The following CAT variants were observed in gnomAD, a reference collection of about 807,000 sequenced individuals.
The protein encoded by CAT is catalase.
In CAT, 43 loss-of-function variants were observed where a neutral mutation model predicts 59.0. That is an observed-to-expected ratio of 0.73 (90% CI 0.57 to 0.94). The LOEUF is 0.94. Ranked by LOEUF, CAT falls within the 40% of genes least tolerant of loss-of-function variation. CAT has a pLI of 0.00. For synonymous variants in CAT, 218 were observed against 230.9 expected, an observed-to-expected ratio of 0.94 and a Z score of 0.51; for missense variants, 664 against 682.9, an observed-to-expected ratio of 0.97 and a Z score of 0.31.
At chr11:34,443,825 T>C (rs1230221934) in intron 1 of CAT, among the ~76,000 whole-genome samples, 2 of 152,164 alleles carry the variant, frequency 1.3e-5, no homozygotes, top group African/African-American at 4.8e-5. Context: ...AATAACTGCA[T>C]TGATGTTACA....
At chr11:34,464,265 G>A in intron 10 of CAT, 30 bp downstream of exon 10, 2 of 1,609,476 alleles carry the variant, frequency 1.2e-6, no homozygotes, top group Middle Eastern at 1.7e-4. Flanking sequence ...TGCTATGGAA[G>A]TCACCTGCTA....
chr11:34,464,063 T>A, intron 9 of CAT, 42 bp from the exon 10 acceptor site: 1 of 1,612,494 alleles, frequency 6.2e-7, no homozygotes, highest in South Asian at 1.1e-5. Flanking sequence ...CTTACTTGAC[T>A]TTTCTTATTC....
chr11:34,464,079 T>C, intron 9 of CAT, 26 bp from the exon 10 acceptor site: 1 of 1,613,972 alleles, frequency 6.2e-7, no homozygotes, highest in Non-Finnish European at 8.5e-7. Context: ...TATTCCTAAG[T>C]GCATCTGGGT....
At chr11:34,449,047 C>CCTGT (rs1856490294) in intron 1 of CAT, 145 bp from the exon 2 acceptor site, 1 of 715,420 alleles carries the variant, frequency 1.4e-6, no homozygotes, top group Non-Finnish European at 2.4e-6. Flanking sequence ...AATGGCCCAT[C>CCTGT]CTGTCAGATT....
Position 34,456,726 on chromosome 11 carries a change from C to T in CAT, c.965C>T (p.Pro322Leu), listed in dbSNP as rs1455711520. 1 of 1,614,078 alleles carries T rather than the reference C, an allele frequency of 6.2e-7. No homozygotes were observed. Among genetic ancestry groups the T allele is most frequent in the Non-Finnish European group, 8.5e-7 (1 of 1,179,946 alleles). The change falls in exon 8 of 13, where the codon CCA (proline) becomes CTA (leucine). Residue 322 changes from proline to leucine, a missense_variant. Pro to Leu is a moderately conservative substitution (Grantham distance 98). Coordinates refer to ENST00000241052, the MANE Select transcript of CAT (RefSeq NM_001752.4). Reference protein sequence around the residue: ...PVGKLVLNRNPVNYFAEVEQI... With the variant: ...PVGKLVLNRNLVNYFAEVEQI... The stretch of plus-strand genomic sequence containing the variant: ...GGTAAACTGGTCTTAAACCGGAATC[C>T]AGTTAATTACTTTGCTGAGGTTGAA...
At position 34,471,747 on chromosome 11, in the gene CAT, T is replaced by C. The variant is rs1370215434; in HGVS notation, c.*314T>C. On this transcript the variant is annotated 3_prime_UTR_variant, in exon 13 of 13. Transcript: ENST00000241052. ...TATTTGACAAAATTTGTTGAAATTA[T>C]GTATGTTTACATATCACCTCATGGC... 5 of 387,746 alleles carry C rather than the reference T, an allele frequency of 1.3e-5. No homozygotes were observed. The East Asian group carries it at 2.3e-4, about 18-fold the overall frequency. The allele number at this position is 387,746 out of a possible 1,614,324, so 24.0% of individuals were successfully genotyped here.
At position 34,449,295 on chromosome 11, in the gene CAT, T is replaced by C. The variant is rs761236721; in HGVS notation, c.170T>C (p.Phe57Ser). ...CCCCTTCTTGTTCAGGATGTGGTTT[T>C]CACTGATGAAATGGCTCATTTTGAC... ...RGPLLVQDVVFTDEMAHFDRE... is the reference protein window; with the variant it reads ...RGPLLVQDVVSTDEMAHFDRE... The change falls in exon 2 of 13, where the codon TTC (phenylalanine) becomes TCC (serine). Residue 57 changes from phenylalanine to serine, a missense_variant. Physicochemically the swap from Phe to Ser is radical, Grantham distance 155. Transcript: ENST00000241052. 2 of 1,614,186 alleles carry C rather than the reference T, an allele frequency of 1.2e-6. 1 individual carries two copies. Among genetic ancestry groups the C allele is most frequent in the South Asian group, 2.2e-5 (2 of 91,092 alleles).
At chr11:34,452,016 C>T in intron 3 of CAT, 61 bp from the exon 4 acceptor site, 1 of 1,593,694 alleles carries the variant, frequency 6.3e-7, no homozygotes, top group African/African-American at 1.3e-5. Context: ...TTTATGTCTC[C>T]AGGCTTCTTG....
rs1453853451 is a variant in CAT, at chr11:34,451,007, G to T, written c.258G>T (p.Glu86Asp). The change falls in exon 3 of 13, where the codon GAG (glutamate) becomes GAT (aspartate). Residue 86 changes from glutamate to aspartate, a missense_variant. Glu to Asp is a conservative substitution (Grantham distance 45). Coordinates refer to ENST00000241052, the MANE Select transcript of CAT (RefSeq NM_001752.4). ...AKGAGAFGYF[E>D]VTHDITKYSK... ...CGTTAGGGGCCTTTGGCTACTTTGA[G>T]GTCACACATGACATTACCAAATACT... 2.5e-6 allele frequency: 4 copies of T among 1,612,282 alleles called. No homozygotes were observed. The African/African-American group carries it at 5.3e-5, about 22-fold the overall frequency.
chr11:34,469,439 C>T lies in CAT; in HGVS notation c.1434+1044C>T, dbSNP rs1856752249. Among the ~76,000 whole-genome samples the T allele has an allele frequency of 2.6e-5, 4 of 152,180 alleles. No individual in the cohort carries two copies. In the South Asian group the frequency reaches 8.3e-4, roughly 32 times the overall value. On this transcript the variant is annotated intron_variant, in intron 11 of 12. Coordinates refer to ENST00000241052, the MANE Select transcript of CAT (RefSeq NM_001752.4). Reference sequence around the variant, plus strand: ...CTTTTATGGGTTCCCAATGCCCTGCCTCCTCTTGCTGTCCACTGGGGAATT... The same window carrying T: ...CTTTTATGGGTTCCCAATGCCCTGCTTCCTCTTGCTGTCCACTGGGGAATT...
intron 9 of CAT, among the ~76,000 whole-genome samples, chr11:34,462,313 A>G (rs114705772): frequency 0.022 from 3,312 of 152,310 alleles, 126 homozygotes; most frequent in African/African-American, 0.076. Flanking sequence ...TAAAAATAAT[A>G]CAAGTGTCCT....
chr11:34,471,316 A>G lies in CAT; in HGVS notation c.1519-52A>G, dbSNP rs1455088123. On this transcript the variant is annotated intron_variant, in intron 12 of 12. Coordinates refer to ENST00000241052, the MANE Select transcript of CAT (RefSeq NM_001752.4). ...TACATATTAAAACTGAGTAAATATC[A>G]CGTTGCTGCCCATGAGGTGATTAAC... The G allele has an allele frequency of 5.2e-6, 7 of 1,335,448 alleles. No individual in the cohort carries two copies. In the East Asian group the frequency reaches 1.4e-4, roughly 26 times the overall value. The allele number at this position is 1,335,448 out of a possible 1,614,324, so 82.7% of individuals were successfully genotyped here.
chr11:34,456,229 T>G (rs1856588931), intron 7 of CAT, 27 bp downstream of exon 7: 2 of 1,574,796 alleles, frequency 1.3e-6, no homozygotes, highest in Non-Finnish European at 1.7e-6. Flanking sequence ...CTATATTGTT[T>G]TCTTTTTTAA....
At chr11:34,454,558 T>G (rs1251054947) in intron 6 of CAT, among the ~76,000 whole-genome samples, 1 of 152,188 alleles carries the variant, frequency 6.6e-6, no homozygotes, top group Non-Finnish European at 1.5e-5. Flanking sequence ...TACTGGATAA[T>G]CTCTCTCTTA....
intron 12 of CAT, 73 bp downstream of exon 12, chr11:34,471,114 T>G: frequency 7.9e-7 from 1 of 1,265,580 alleles, no homozygotes; most frequent in South Asian, 1.2e-5. Context: ...TAGTTACCAC[T>G]TAGCATTACA....
chr11:34,461,777 C>T (rs1231357185), intron 9 of CAT, among the ~76,000 whole-genome samples: 1 of 152,148 alleles, frequency 6.6e-6, no homozygotes, highest in Non-Finnish European at 1.5e-5. Flanking sequence ...AAGACTTAGA[C>T]CCTTGGAAGT....
intron 1 of CAT, among the ~76,000 whole-genome samples, chr11:34,442,616 A>AG (rs1856404707): frequency 1.3e-5 from 2 of 152,194 alleles, no homozygotes; most frequent in African/African-American, 4.8e-5. Flanking sequence ...AGAAAAAAAA[A>AG]GAAATGTATT....
Position 34,438,953 on chromosome 11 carries a change from T to G in CAT, c.-61T>G. The G allele has an allele frequency of 6.9e-7, 1 of 1,446,432 alleles. No individual in the cohort carries two copies. The highest frequency in any genetic ancestry group is 1.4e-5 in the African/African-American group (1 of 71,200). 89.6% of individuals were successfully genotyped at this position (1,446,432 alleles called of 1,614,324 possible). On this transcript the variant is annotated 5_prime_UTR_variant, in exon 1 of 13. Transcript: ENST00000241052. Reference sequence around the variant, plus strand: ...CGGGGCAACAGGCAGATTTGCCTGCTGAGGGTGGAGACCCACGAGCCGAGG... The same window carrying G: ...CGGGGCAACAGGCAGATTTGCCTGCGGAGGGTGGAGACCCACGAGCCGAGG...
At chr11:34,447,675 A>G (rs1215271919) in intron 1 of CAT, among the ~76,000 whole-genome samples, 1 of 152,212 alleles carries the variant, frequency 6.6e-6, no homozygotes, top group African/African-American at 2.4e-5. Context: ...TAGAAAAATA[A>G]AACTTCAAAT....
Sources: allele counts gnomAD v4.1 joint callset (sites outside exome capture counted in the v4.1 genomes callset), GRCh38; gene constraint gnomAD v4.1.1; transcripts MANE v1.5; gene names NCBI Gene and HGNC (gene_info 2026-07-23, HGNC 2026-07-21).